Variants in FAT4 observed in about 807,000 individuals in gnomAD.
The protein encoded by FAT4 is protocadherin Fat 4.
Under a neutral mutation model 303.9 loss-of-function variants are expected in FAT4, and 84 were observed. That is an observed-to-expected ratio of 0.28 (90% confidence interval 0.23 to 0.33). The LOEUF is 0.33. Among genes scored for constraint, FAT4 ranks in the 10% least tolerant of loss-of-function variants. The pLI is 1.00. For missense variants in FAT4, 6,005 were observed against 6,146.8 expected (o/e 0.98, Z 0.77); for synonymous variants, 2,307 against 2,298.8 (o/e 1.00, Z -0.10).
Position 125,448,445 on chromosome 4 carries a change from A to T in FAT4, c.7451-16A>T. The T allele has an allele frequency of 6.3e-7, 1 of 1,575,956 alleles. No individual in the cohort carries two copies. The highest frequency in any genetic ancestry group is 8.6e-7 in the Non-Finnish European group (1 of 1,163,128). On this transcript the variant is annotated splice_polypyrimidine_tract_variant and intron_variant, in intron 9 of 17. Transcript: ENST00000394329. Reference sequence around the variant, plus strand: ...AAATTCCACGTGAGTATAACTGCACACTTTCTCTTTTATAGGTTCCTTTGT... The same window carrying T: ...AAATTCCACGTGAGTATAACTGCACTCTTTCTCTTTTATAGGTTCCTTTGT...
In FAT4 at chr4:125,423,706, G is replaced by A. The variant is rs1222045188; in HGVS notation, c.7018+7084G>A. Among the ~76,000 whole-genome samples the A allele has an allele frequency of 2.6e-5, 4 of 152,196 alleles. No individual in the cohort carries two copies. The East Asian group carries it at 7.7e-4, about 29-fold the overall frequency. ...AGCTATGCACCTGGCAAAGCTGCAG[G>A]CACTCACCACCAGCCTGTGAAGGCA... On this transcript the variant is annotated intron_variant, in intron 7 of 17. Transcript: ENST00000394329.
At chr4:125,321,738 A>T (rs1730962690) in intron 2 of FAT4, 152 bp downstream of exon 2, 1 of 775,340 alleles carries the variant, frequency 1.3e-6, no homozygotes, top group Non-Finnish European at 1.9e-6. Context: ...AGGCTAACAG[A>T]GAGTTACATA....
chr4:125,406,434 C>A (rs1343587322), intron 3 of FAT4, among the ~76,000 whole-genome samples: 2 of 152,064 alleles, frequency 1.3e-5, no homozygotes, highest in African/African-American at 4.8e-5. Context: ...AAGCACAATA[C>A]CTCTAACTTT....
intron 2 of FAT4, among the ~76,000 whole-genome samples, chr4:125,387,368 G>A (rs551184229): frequency 6.6e-6 from 1 of 152,332 alleles, no homozygotes; most frequent in African/African-American, 2.4e-5. Flanking sequence ...GTCTCGTGTA[G>A]GTTCTAGAAA....
At chr4:125,377,020 A>G (rs1472940736) in intron 2 of FAT4, among the ~76,000 whole-genome samples, 2 of 152,320 alleles carry the variant, frequency 1.3e-5, no homozygotes, top group African/African-American at 4.8e-5. Flanking sequence ...TTCTCTTATC[A>G]TAAGGGAAGA....
At chr4:125,440,358 G>C (rs866650398) in intron 8 of FAT4, among the ~76,000 whole-genome samples, 2 of 151,478 alleles carry the variant, frequency 1.3e-5, no homozygotes, top group Admixed American at 6.6e-5. Context: ...AATTTTTCAA[G>C]TCCAGTGACT....
intron 2 of FAT4, among the ~76,000 whole-genome samples, chr4:125,336,790 T>C (rs1355731812): frequency 6.6e-6 from 1 of 151,446 alleles, no homozygotes; most frequent in African/African-American, 2.4e-5. Flanking sequence ...ATTCTGATGT[T>C]GAGGCGATAT....
intron 2 of FAT4, among the ~76,000 whole-genome samples, chr4:125,345,709 C>A (rs1731975435): frequency 6.6e-6 from 1 of 151,958 alleles, no homozygotes; most frequent in Non-Finnish European, 1.5e-5. Flanking sequence ...TTGAAGGTTG[C>A]AGTTTATATA....
At chr4:125,340,620 A>G (rs554480799) in intron 2 of FAT4, among the ~76,000 whole-genome samples, 5 of 152,218 alleles carry the variant, frequency 3.3e-5, no homozygotes, top group African/African-American at 9.6e-5. Flanking sequence ...TCTCTTTTTA[A>G]TAGGTTAGGT....
rs762222146 is a variant in FAT4 at position 125,449,871 on chromosome 4, T to G, written c.8861T>G (p.Ile2954Arg). The change falls in exon 10 of 18, where the codon ATA (isoleucine) becomes AGA (arginine). Residue 2954 changes from isoleucine to arginine, a missense_variant. Ile to Arg is a moderately conservative substitution (Grantham distance 97). Coordinates refer to ENST00000394329, the MANE Select transcript of FAT4 (RefSeq NM_001291303.3). ...SNVNINRHSFIVTSSDRGKPS... is the reference protein window; with the variant it reads ...SNVNINRHSFRVTSSDRGKPS... ...GTGAATATCAACAGGCATAGTTTTA[T>G]AGTGACATCTTCAGATCGAGGTAAA... is the stretch of plus-strand genomic sequence containing the variant. 2.5e-6 allele frequency: 4 copies of G among 1,613,850 alleles called. No individual in the cohort carries two copies. In the African/African-American group the frequency reaches 4.0e-5, roughly 16 times the overall value.
At chr4:125,340,004 A>G (rs1462493074) in intron 2 of FAT4, among the ~76,000 whole-genome samples, 1 of 152,160 alleles carries the variant, frequency 6.6e-6, no homozygotes, top group Non-Finnish European at 1.5e-5. Flanking sequence ...TGAATCGTGA[A>G]TAAAAATAGT....
chr4:125,337,465 A>G (rs1350503898), intron 2 of FAT4, among the ~76,000 whole-genome samples: 1 of 152,054 alleles, frequency 6.6e-6, no homozygotes, highest in Admixed American at 6.6e-5. Flanking sequence ...TGATATACCT[A>G]AACTTGCCTC....
chr4:125,378,023 A>G (rs1248416602), intron 2 of FAT4, among the ~76,000 whole-genome samples: 1 of 152,022 alleles, frequency 6.6e-6, no homozygotes, highest in East Asian at 1.9e-4. Flanking sequence ...CTGCAAAATA[A>G]GGCACAATTA....
intron 2 of FAT4, among the ~76,000 whole-genome samples, chr4:125,324,134 G>T (rs992128014): frequency 1.3e-5 from 2 of 152,146 alleles, no homozygotes; most frequent in African/African-American, 4.8e-5. Context: ...TCAGACACAA[G>T]ATTAATTACC....
rs1730523602 is a variant in FAT4, at chr4:125,315,250, G to T, written c.-740G>T. 6.6e-6 allele frequency among the ~76,000 whole-genome samples: 1 copy of T among 152,114 alleles called. No homozygotes were observed. The highest frequency in any genetic ancestry group is 2.4e-5 in the African/African-American group (1 of 41,432). ...GGCGCCGTCCGGAGCTGCGGAGGGC[G>T]TCACTACAGCCCAGCGCCGACTTCG... On this transcript the variant is annotated 5_prime_UTR_variant, in exon 1 of 18. Transcript: ENST00000394329.
chr4:125,469,185 A>G (rs1273453462), intron 12 of FAT4, among the ~76,000 whole-genome samples: 1 of 152,224 alleles, frequency 6.6e-6, no homozygotes, highest in Non-Finnish European at 1.5e-5. Context: ...TTTCTACAAA[A>G]TCTACATAAA....
chr4:125,419,601 G>T (rs1301868517), intron 7 of FAT4, among the ~76,000 whole-genome samples: 1 of 152,140 alleles, frequency 6.6e-6, no homozygotes, highest in Non-Finnish European at 1.5e-5. Context: ...ACAGCATGCA[G>T]TGATTTCTAA....
rs1726072296 is a variant in FAT4, at chr4:125,451,523, A to T, written c.10513A>T (p.Ile3505Leu). The change falls in exon 10 of 18, where the codon ATA becomes TTA. Residue 3505 changes from isoleucine (I) to leucine (L), a missense_variant. Physicochemically the swap from Ile to Leu is conservative, Grantham distance 5. Coordinates refer to ENST00000394329, the MANE Select transcript of FAT4 (RefSeq NM_001291303.3). ...SASLLVTLED[I>L]NDNGPMLTVS... ...CTCTTTATTAGTCACCCTGGAAGAT[A>T]TAAATGATAACGGGCCCATGCTGAC... 6.2e-7 allele frequency: 1 copy of T among 1,614,174 alleles called. No homozygotes were observed. The highest frequency in any genetic ancestry group is 1.3e-5 in the African/African-American group (1 of 75,046).
In FAT4 at chr4:125,450,991, T is replaced by C. The variant is rs752677813; in HGVS notation, c.9981T>C (p.Arg3327=). 7.4e-6 allele frequency: 12 copies of C among 1,614,084 alleles called. No homozygotes were observed. In the Admixed American group the frequency reaches 2.0e-4, roughly 27 times the overall value. ...TTGGAGAAGTGTTTGCTAGCGACCG[T>C]GATTTGGGCACTGATGGGGAGGTAC... ...TIVGEVFASD[R]DLGTDGEVHY... Residue 3327 remains arginine (R), a synonymous_variant, in exon 10 of 18, where the codon CGT becomes CGC. Coordinates refer to ENST00000394329, the MANE Select transcript of FAT4 (RefSeq NM_001291303.3).
Sources: allele counts gnomAD v4.1 joint callset (sites outside exome capture counted in the v4.1 genomes callset), GRCh38; gene constraint gnomAD v4.1.1; transcripts MANE v1.5; gene names NCBI Gene and HGNC (gene_info 2026-07-23, HGNC 2026-07-21).